Variants in CAPZA2 observed in about 807,000 individuals in gnomAD.
The protein encoded by CAPZA2 is capping actin protein of muscle Z-line subunit alpha 2, also known as F-actin-capping protein subunit alpha-2.
A neutral mutation model predicts 44.0 loss-of-function variants in CAPZA2; 13 were observed. The observed-to-expected ratio is 0.30, with a 90% CI of 0.19 to 0.47. The LOEUF (loss-of-function observed/expected upper bound fraction) is 0.47. Ranked by LOEUF, CAPZA2 falls within the 20% of genes least tolerant of loss-of-function variation. CAPZA2 has a pLI of 1.00. For missense variants in CAPZA2, 244 were observed against 338.6 expected (o/e 0.72, Z 2.19); for synonymous variants, 94 against 108.2 (o/e 0.87, Z 0.81).
At chr7:116,905,379 C>G (rs1562962756) in intron 5 of CAPZA2, among the ~76,000 whole-genome samples, 1 of 152,062 alleles carries the variant, frequency 6.6e-6, no homozygotes, top group Admixed American at 6.6e-5. Flanking sequence ...AGAGTCCAGG[C>G]TTTTGAAGGT....
At position 116,920,814 on chromosome 7, in the gene CAPZA2, A is replaced by G. The variant is rs1199278673; in HGVS notation, c.*2947A>G. 1.3e-5 allele frequency: 2 copies of G among 152,410 alleles called. No individual in the cohort carries two copies. Among genetic ancestry groups the G allele is most frequent in the South Asian group, 2.1e-4 (1 of 4,830 alleles). 9.4% of individuals were successfully genotyped at this position (152,410 alleles called of 1,614,324 possible). ...GTTAGTGATAATGAATTTAAAGTAA[A>G]TGAGACCAATGATGAGCATGGCTGT... On this transcript the variant is annotated 3_prime_UTR_variant, in exon 10 of 10. Transcript: ENST00000361183.
intron 5 of CAPZA2, among the ~76,000 whole-genome samples, chr7:116,904,998 C>T (rs529571593): frequency 2.3e-5 from 3 of 131,812 alleles, no homozygotes; most frequent in East Asian, 4.9e-4. Flanking sequence ...AACAATTAGC[C>T]GGGCGTGGTA....
chr7:116,899,330 A>G (rs921403022), intron 4 of CAPZA2, among the ~76,000 whole-genome samples: 6 of 151,980 alleles, frequency 3.9e-5, no homozygotes, highest in African/African-American at 7.2e-5. Flanking sequence ...AATAGTGATT[A>G]TATGAATGCA....
chr7:116,888,357 A>G (rs1796789633), intron 2 of CAPZA2, 167 bp downstream of exon 2: 3 of 469,332 alleles, frequency 6.4e-6, no homozygotes, highest in South Asian at 4.3e-5. Context: ...AATATAATGT[A>G]TTTATTTATA....
chr7:116,909,580 CT>C (rs1328911037), intron 6 of CAPZA2, among the ~76,000 whole-genome samples: 1 of 148,658 alleles, frequency 6.7e-6, no homozygotes, highest in Non-Finnish European at 1.5e-5. Context: ...AATTGGAAAA[CT>C]AAAAAAAAAA....
At chr7:116,917,246 T>TTGTA (rs1162166083) in intron 9 of CAPZA2, among the ~76,000 whole-genome samples, 1 of 151,938 alleles carries the variant, frequency 6.6e-6, no homozygotes, top group Admixed American at 6.6e-5. Flanking sequence ...GCTGCTTTTA[T>TTGTA]TTTATTTATT....
At chr7:116,914,491 G>A (rs1171248179) in intron 8 of CAPZA2, among the ~76,000 whole-genome samples, 2 of 151,426 alleles carry the variant, frequency 1.3e-5, no homozygotes, top group Non-Finnish European at 2.9e-5. Context: ...GAGACAGGGT[G>A]TCACTCTGTT....
chr7:116,865,226 C>T (rs948446512), intron 1 of CAPZA2, among the ~76,000 whole-genome samples: 2 of 132,104 alleles, frequency 1.5e-5, no homozygotes, highest in East Asian at 2.5e-4. Context: ...CACTCTGTCA[C>T]GCAGGCTGGA....
At chr7:116,914,356 G>A (rs1352571287) in intron 8 of CAPZA2, among the ~76,000 whole-genome samples, 1 of 151,400 alleles carries the variant, frequency 6.6e-6, no homozygotes, top group Non-Finnish European at 1.5e-5. Context: ...ACTCAAGAAA[G>A]CATTTAAGAA....
At chr7:116,903,122 C>G (rs1698238472) in intron 4 of CAPZA2, among the ~76,000 whole-genome samples, 1 of 152,132 alleles carries the variant, frequency 6.6e-6, no homozygotes, top group African/African-American at 2.4e-5. Context: ...ATGTTATAAT[C>G]ACGTCATGGG....
chr7:116,907,245 A>G (rs1048068840), intron 6 of CAPZA2, among the ~76,000 whole-genome samples: 7 of 152,182 alleles, frequency 4.6e-5, no homozygotes, highest in Admixed American at 6.5e-5. Context: ...GAATATTTGG[A>G]GGAATGCAGA....
At chr7:116,865,174 CTTCTTTTTTTT>C (rs1196975602) in intron 1 of CAPZA2, among the ~76,000 whole-genome samples, 3 of 122,086 alleles carry the variant, frequency 2.5e-5, no homozygotes, top group African/African-American at 1.0e-4. Flanking sequence ...TATGCGCTCT[CTTCTTTTTTTT>C]TTTTTTTTTT....
rs1438249971 is a variant in CAPZA2, at chr7:116,918,357, G to C, written c.*490G>C. 6.5e-6 allele frequency: 1 copy of C among 154,084 alleles called. No individual in the cohort carries two copies. Among genetic ancestry groups the C allele is most frequent in the Non-Finnish European group, 1.5e-5 (1 of 68,938 alleles). The allele number at this position is 154,084 out of a possible 1,614,324, so 9.5% of individuals were successfully genotyped here. ...TCCTCACCTGTTCCATTTATGTAAA[G>C]TTGAGATTAGAGGGAAAGCATTTTC... On this transcript the variant is annotated 3_prime_UTR_variant, in exon 10 of 10. Coordinates refer to ENST00000361183, the MANE Select transcript of CAPZA2 (RefSeq NM_006136.3).
intron 7 of CAPZA2, among the ~76,000 whole-genome samples, chr7:116,911,401 A>G (rs1791594583): frequency 1.3e-5 from 2 of 152,198 alleles, no homozygotes; most frequent in South Asian, 2.1e-4. Context: ...TAGTCCAGAC[A>G]TATTTGCATG....
At chr7:116,897,190 A>C in intron 3 of CAPZA2, among the ~76,000 whole-genome samples, 1 of 152,124 alleles carries the variant, frequency 6.6e-6, no homozygotes, top group Non-Finnish European at 1.5e-5. Flanking sequence ...ATATGACCTT[A>C]CTGGAAAATG....
intron 3 of CAPZA2, among the ~76,000 whole-genome samples, chr7:116,893,592 C>T (rs962110905): frequency 7.9e-5 from 12 of 152,152 alleles, no homozygotes; most frequent in Non-Finnish European, 1.5e-4. Flanking sequence ...GTGTGTCTAG[C>T]GGTGCCTTAT....
chr7:116,903,689 G>A (rs978097423), intron 4 of CAPZA2, among the ~76,000 whole-genome samples: 1 of 152,150 alleles, frequency 6.6e-6, no homozygotes, highest in Non-Finnish European at 1.5e-5. Flanking sequence ...TAGTTTTTAA[G>A]AAGCAAGAAA....
intron 8 of CAPZA2, among the ~76,000 whole-genome samples, chr7:116,913,168 G>A (rs1431342664): frequency 6.6e-6 from 1 of 152,000 alleles, no homozygotes; most frequent in Non-Finnish European, 1.5e-5. Flanking sequence ...CATATATTCT[G>A]GATACAAGTC....
chr7:116,909,095 T>C (rs1004914007), intron 6 of CAPZA2, among the ~76,000 whole-genome samples: 2 of 152,154 alleles, frequency 1.3e-5, no homozygotes, highest in African/African-American at 4.8e-5. Flanking sequence ...TTGAGCATCA[T>C]GTCAGTGCTC....
Sources: allele counts gnomAD v4.1 joint callset (sites outside exome capture counted in the v4.1 genomes callset), GRCh38; gene constraint gnomAD v4.1.1; transcripts MANE v1.5; gene names NCBI Gene and HGNC (gene_info 2026-07-23, HGNC 2026-07-21).